The following ST7 variants were observed in gnomAD, a reference collection of about 807,000 sequenced individuals.
The protein encoded by ST7 is suppressor of tumorigenicity 7 protein.
Under a neutral mutation model 78.7 loss-of-function variants are expected in ST7, and 28 were observed. The observed-to-expected ratio is 0.36, with a 90% confidence interval of 0.26 to 0.49. The LOEUF (loss-of-function observed/expected upper bound fraction) is 0.49. Ranked by LOEUF, ST7 falls within the 20% of genes least tolerant of loss-of-function variation. The probability of loss-of-function intolerance (pLI) is 0.99; values close to 1 mark genes in which losing one functional copy is unlikely to be tolerated. For missense variants in ST7, 418 were observed against 696.0 expected (o/e 0.60, Z 4.49); for synonymous variants, 247 against 249.6 (o/e 0.99, Z 0.10).
At chr7:117,038,846 G>A (rs1421379878) in intron 1 of ST7, among the ~76,000 whole-genome samples, 1 of 152,098 alleles carries the variant, frequency 6.6e-6, no homozygotes, top group African/African-American at 2.4e-5. Context: ...AAGATTTTAT[G>A]ATGATTAATA....
intron 1 of ST7, among the ~76,000 whole-genome samples, chr7:117,034,141 A>G (rs1429623638): frequency 6.6e-6 from 1 of 151,534 alleles, no homozygotes; most frequent in Non-Finnish European, 1.5e-5. Context: ...GTCTTGCTCT[A>G]TTGCCCAGGC....
intron 1 of ST7, among the ~76,000 whole-genome samples, chr7:117,097,100 C>T (rs1801102087): frequency 6.6e-6 from 1 of 151,636 alleles, no homozygotes; most frequent in African/African-American, 2.4e-5. Context: ...TCCAGTGGAT[C>T]AGTGATTTTT....
intron 1 of ST7, chr7:116,972,308 G>A (rs1488247377): frequency 6.9e-6 from 4 of 577,728 alleles, no homozygotes; most frequent in East Asian, 3.3e-5. Flanking sequence ...AACCCATCAC[G>A]GGCCTCTCCC....
chr7:117,012,307 G>A (rs1424868947), intron 1 of ST7, among the ~76,000 whole-genome samples: 5 of 144,034 alleles, frequency 3.5e-5, no homozygotes, highest in African/African-American at 1.3e-4. Flanking sequence ...TTTGGCTTCC[G>A]TATGATCACC....
Position 117,130,604 on chromosome 7 carries a change from C to G in ST7, c.563C>G (p.Ala188Gly), listed in dbSNP as rs945573732. Residue 188 changes from alanine (A) to glycine (G), a missense_variant and splice_region_variant, in exon 5 of 16, where the codon GCA (alanine) becomes GGA (glycine). Transcript: ENST00000323984. ...TCGGACCATCTGCGTCCCGCAGATG[C>G]AAGTATGAAAAATCCATACATCCTT... ...CDSDHLRPAD[A>G]IMQKAWRERN... The G allele has an allele frequency of 5.6e-6, 9 of 1,605,504 alleles. No individual in the cohort carries two copies. Among genetic ancestry groups the G allele is most frequent in the Non-Finnish European group, 7.7e-6 (9 of 1,174,894 alleles).
intron 12 of ST7, among the ~76,000 whole-genome samples, chr7:117,193,230 G>A (rs12535380): frequency 0.013 from 1,959 of 151,510 alleles, 49 homozygotes; most frequent in African/African-American, 0.045. Context: ...ATGAGACATC[G>A]GTGAAGGTTA....
chr7:117,001,784 C>T (rs994053837), intron 1 of ST7, among the ~76,000 whole-genome samples: 11 of 152,010 alleles, frequency 7.2e-5, no homozygotes, highest in African/African-American at 2.7e-4. Flanking sequence ...TCTTATTCTT[C>T]CCTCCAATAC....
chr7:117,059,466 G>C (rs1479797672), intron 1 of ST7, among the ~76,000 whole-genome samples: 1 of 152,086 alleles, frequency 6.6e-6, no homozygotes, highest in South Asian at 2.1e-4. Context: ...AGAAATAATG[G>C]CAAAGTTTCA....
intron 1 of ST7, among the ~76,000 whole-genome samples, chr7:117,059,897 C>T (rs540865189): frequency 1.9e-4 from 29 of 150,920 alleles, no homozygotes; most frequent in African/African-American, 5.1e-4. Context: ...GTGGGAGGAT[C>T]GCTTGATCTC....
At chr7:116,979,958 C>T (rs866210194) in intron 1 of ST7, among the ~76,000 whole-genome samples, 20 of 86,248 alleles carry the variant, frequency 2.3e-4, no homozygotes, top group East Asian at 4.0e-4. Context: ...TTTTGTTTCT[C>T]TTTTTTTTTT....
intron 1 of ST7, chr7:116,967,231 A>G (rs1793165816): frequency 2.1e-6 from 1 of 467,254 alleles, no homozygotes; most frequent in East Asian, 7.0e-5. Flanking sequence ...AATAGGTAGT[A>G]ATTCTGAGCC....
At chr7:116,973,620 CAT>C (rs762504540) in intron 1 of ST7, among the ~76,000 whole-genome samples, 7 of 152,192 alleles carry the variant, frequency 4.6e-5, no homozygotes, top group Non-Finnish European at 8.8e-5. Flanking sequence ...CCTTTCCCCA[CAT>C]GTTTTCTTTA....
chr7:117,006,222 G>C (rs556539281), intron 1 of ST7, among the ~76,000 whole-genome samples: 78 of 152,336 alleles, frequency 5.1e-4, no homozygotes, highest in Admixed American at 7.2e-4. Context: ...GCTTTCAAAA[G>C]AGAGCAGTTG....
At chr7:117,220,959 T>C (rs1372111888) in intron 14 of ST7, among the ~76,000 whole-genome samples, 2 of 152,082 alleles carry the variant, frequency 1.3e-5, no homozygotes, top group African/African-American at 4.8e-5. Context: ...CTCTAGATCT[T>C]GTATTCCCTG....
At chr7:117,075,766 A>G (rs1319699821) in intron 1 of ST7, among the ~76,000 whole-genome samples, 1 of 152,254 alleles carries the variant, frequency 6.6e-6, no homozygotes, top group East Asian at 1.9e-4. Context: ...TTTCTCAAAA[A>G]TAAGAGAATT....
chr7:116,996,956 T>G (rs550524208), intron 1 of ST7, among the ~76,000 whole-genome samples: 1 of 152,306 alleles, frequency 6.6e-6, no homozygotes, highest in Non-Finnish European at 1.5e-5. Context: ...GCAGATTTGC[T>G]TGGAAAAGAA....
intron 1 of ST7, chr7:116,955,225 T>C (rs1792396622): frequency 2.4e-6 from 1 of 411,868 alleles, no homozygotes; most frequent in African/African-American, 2.1e-5. Context: ...TATGTTTTAA[T>C]GGAATTACGT....
rs561236573 is a variant in ST7, at chr7:117,075,189, C to G, written c.152-24573C>G. Among the ~76,000 whole-genome samples, 4 of 152,134 alleles carry G rather than the reference C, an allele frequency of 2.6e-5. No homozygotes were observed. In the South Asian group the frequency reaches 8.3e-4, roughly 32 times the overall value. On this transcript the variant is annotated intron_variant, in intron 1 of 15. Transcript: ENST00000323984. ...TATTGCAAATCTATTAAAATATATC[C>G]TATTCATGAAAATTTATACTAATGG...
At chr7:117,175,403 T>C (rs1390983396) in intron 10 of ST7, among the ~76,000 whole-genome samples, 1 of 152,222 alleles carries the variant, frequency 6.6e-6, no homozygotes, top group Non-Finnish European at 1.5e-5. Flanking sequence ...ATGTTTCTTA[T>C]TCATTGTCAT....
Sources: allele counts gnomAD v4.1 joint callset (sites outside exome capture counted in the v4.1 genomes callset), GRCh38; gene constraint gnomAD v4.1.1; transcripts MANE v1.5; gene names NCBI Gene and HGNC (gene_info 2026-07-23, HGNC 2026-07-21).